The following MARCHF7 variants were observed in gnomAD, a reference collection of about 807,000 sequenced individuals.
MARCHF7 encodes the protein E3 ubiquitin-protein ligase MARCHF7.
A neutral mutation model predicts 76.5 loss-of-function variants in MARCHF7; 20 were observed. That is an observed-to-expected ratio of 0.26 (90% CI 0.18 to 0.38). The LOEUF (loss-of-function observed/expected upper bound fraction) is 0.38. Ranked by LOEUF, MARCHF7 falls within the 10% of genes least tolerant of loss-of-function variation. MARCHF7 has a pLI of 1.00. For synonymous variants in MARCHF7, 295 were observed against 293.0 expected (o/e 1.01, Z -0.07); for missense variants, 797 against 812.9 (o/e 0.98, Z 0.24).
intron 3 of MARCHF7, among the ~76,000 whole-genome samples, chr2:159,717,960 A>C (rs536580727): frequency 2.0e-5 from 3 of 152,224 alleles, no homozygotes; most frequent in Non-Finnish European, 2.9e-5. Flanking sequence ...CTATGTGTTA[A>C]AGACAAATTT....
At chr2:159,725,972 A>G (rs1018606417) in intron 3 of MARCHF7, among the ~76,000 whole-genome samples, 1 of 152,210 alleles carries the variant, frequency 6.6e-6, no homozygotes, top group African/African-American at 2.4e-5. Context: ...ACAGCATTGT[A>G]GAAACATGAC....
intron 8 of MARCHF7, among the ~76,000 whole-genome samples, chr2:159,757,771 A>G (rs1358355815): frequency 6.6e-6 from 1 of 152,222 alleles, no homozygotes; most frequent in Non-Finnish European, 1.5e-5. Context: ...TCTGTAGTAA[A>G]TTATCTCCAA....
In MARCHF7 at chr2:159,769,034, T is replaced by G. The variant is rs1437356458; in HGVS notation, c.*1692T>G. 6.6e-6 allele frequency: 1 copy of G among 152,194 alleles called. No homozygotes were observed. The highest frequency in any genetic ancestry group is 2.4e-5 in the African/African-American group (1 of 41,456). The allele number at this position is 152,194 out of a possible 1,614,324, so 9.4% of individuals were successfully genotyped here. A position where few individuals can be genotyped will look rare whatever the true frequency, so the allele number is the denominator to read the frequency against. ...CACTTAGTATTTAAATATTGTCATA[T>G]TAGCTTCAGATTATCATGTAAATGA... On this transcript the variant is annotated 3_prime_UTR_variant, in exon 12 of 12. Coordinates refer to ENST00000409175, the MANE Select transcript of MARCHF7 (RefSeq NM_001282805.2).
At chr2:159,749,761 T>G (rs1230438505) in intron 7 of MARCHF7, among the ~76,000 whole-genome samples, 1 of 152,054 alleles carries the variant, frequency 6.6e-6, no homozygotes, top group African/African-American at 2.4e-5. Context: ...GTGAATTGTG[T>G]CAGAAAGTAA....
chr2:159,737,210 G>A (rs1703563295), intron 4 of MARCHF7, among the ~76,000 whole-genome samples: 2 of 152,078 alleles, frequency 1.3e-5, no homozygotes, highest in African/African-American at 2.4e-5. Context: ...TGTGTGCATC[G>A]ATACCAAGAG....
chr2:159,737,094 C>T (rs536128958), intron 4 of MARCHF7, among the ~76,000 whole-genome samples: 5 of 152,164 alleles, frequency 3.3e-5, no homozygotes, highest in Admixed American at 1.3e-4. Context: ...CCTCTTTAAA[C>T]TCCAGTGTAA....
intron 6 of MARCHF7, among the ~76,000 whole-genome samples, chr2:159,746,426 A>C (rs1704892389): frequency 6.6e-6 from 1 of 152,108 alleles, no homozygotes; most frequent in African/African-American, 2.4e-5. Flanking sequence ...TCTGAGATGG[A>C]GTTTTGCTCT....
chr2:159,732,671 CCA>C (rs1376360094), intron 4 of MARCHF7, among the ~76,000 whole-genome samples: 1 of 151,778 alleles, frequency 6.6e-6, no homozygotes, highest in Non-Finnish European at 1.5e-5. Context: ...CAGCCCCCTG[CCA>C]CACACACACA....
intron 11 of MARCHF7, 21 bp downstream of exon 11, chr2:159,764,695 C>T: frequency 1.3e-6 from 2 of 1,585,002 alleles, no homozygotes; most frequent in Admixed American, 1.8e-5. Context: ...TTTCCCCTCC[C>T]CAGACTTGTT....
In MARCHF7 at chr2:159,748,823, G is replaced by T; in HGVS notation, c.1533G>T (p.Trp511Cys). ...CAGTAGATATTATTCCTTCAGGTTGGAATTCAGCTGATGGTAAAAGTGATA... is the reference window on the plus strand; with the variant it reads ...CAGTAGATATTATTCCTTCAGGTTGTAATTCAGCTGATGGTAAAAGTGATA... ...MITVDIIPSG[W>C]NSADGKSDKT... The change falls in exon 7 of 12, where the codon TGG becomes TGT. Residue 511 changes from tryptophan (W) to cysteine (C), a missense_variant. Physicochemically the swap from Trp to Cys is radical, Grantham distance 215 (BLOSUM62 -2). This residue lies in a region of MARCHF7 where 643 missense variants were observed against 631.5 expected (regional missense o/e 1.02). Coordinates refer to ENST00000409175, the MANE Select transcript of MARCHF7 (RefSeq NM_001282805.2). 2 of 1,614,068 alleles carry T rather than the reference G, an allele frequency of 1.2e-6. No homozygotes were observed. The highest frequency in any genetic ancestry group is 2.2e-5 in the South Asian group (2 of 91,062).
At chr2:159,719,608 A>G (rs758225104) in intron 3 of MARCHF7, among the ~76,000 whole-genome samples, 20 of 151,562 alleles carry the variant, frequency 1.3e-4, no homozygotes, top group Non-Finnish European at 2.2e-4. Flanking sequence ...GTTTGAGGGG[A>G]TTTTTTTCTA....
At chr2:159,737,026 G>A (rs1345453973) in intron 4 of MARCHF7, among the ~76,000 whole-genome samples, 1 of 152,120 alleles carries the variant, frequency 6.6e-6, no homozygotes, top group Non-Finnish European at 1.5e-5. Context: ...TTTACTCTGG[G>A]AGCCAAATCT....
chr2:159,743,173 C>G lies in MARCHF7; in HGVS notation c.266C>G (p.Ser89Ter). 1 of 1,614,150 alleles carries G rather than the reference C, an allele frequency of 6.2e-7. No individual in the cohort carries two copies. Among genetic ancestry groups the G allele is most frequent in the Non-Finnish European group, 8.5e-7 (1 of 1,180,030 alleles). The change falls in exon 5 of 12, where the codon TCA (serine) becomes TGA (stop). Residue 89 changes from serine (S) to a stop codon, truncating the protein, a stop_gained. Transcript: ENST00000409175. LOFTEE classifies it high-confidence loss of function. ...RSQNQQRDHD[S>*]KRPKLSCTNC... ...CAGAACCAGCAACGGGATCATGATT[C>G]AAAAAGACCTAAACTTTCCTGTACA...
In MARCHF7 at chr2:159,769,414, G is replaced by C. The variant is rs1056471609; in HGVS notation, c.*2072G>C. The C allele has an allele frequency of 6.6e-6, 1 of 152,210 alleles. No homozygotes were observed. Among genetic ancestry groups the C allele is most frequent in the African/African-American group, 2.4e-5 (1 of 41,444 alleles). The allele number at this position is 152,210 out of a possible 1,614,324, so 9.4% of individuals were successfully genotyped here. On this transcript the variant is annotated 3_prime_UTR_variant, in exon 12 of 12. Coordinates refer to ENST00000409175, the MANE Select transcript of MARCHF7 (RefSeq NM_001282805.2). The stretch of plus-strand genomic sequence containing the variant: ...TCCCAGCACTTTGGGAGACCAAGGT[G>C]GGTGGATCACTTGAGGTCAGGAGTT...
chr2:159,737,683 G>T lies in MARCHF7; in HGVS notation c.154-5378G>T, dbSNP rs187950140. On this transcript the variant is annotated intron_variant, in intron 4 of 11. Coordinates refer to ENST00000409175, the MANE Select transcript of MARCHF7 (RefSeq NM_001282805.2). The stretch of plus-strand genomic sequence containing the variant: ...CATGCCTGTAGTCTCAGCTACTCTG[G>T]AGGCTGAGGTGGAAGGATTGCTTGG... 5.4e-3 allele frequency among the ~76,000 whole-genome samples: 816 copies of T among 152,268 alleles called. 4 individuals carry two copies. The highest frequency in any genetic ancestry group is 0.029 in the South Asian group (142 of 4,826).
chr2:159,760,708 C>CTTTTTTTTTTTTTTTTTTTTTTTTT (rs34933843), intron 9 of MARCHF7, among the ~76,000 whole-genome samples: 1 of 147,410 alleles, frequency 6.8e-6, no homozygotes. Flanking sequence ...CAGTTTTTTC[C>CTTTTTTTTTTTTTTTTTTTTTTTTT]TTTTTTGTTT....
In MARCHF7 at chr2:159,747,058, C is replaced by G. The variant is rs541856047; in HGVS notation, c.515-747C>G. Among the ~76,000 whole-genome samples the G allele has an allele frequency of 2.6e-5, 4 of 152,284 alleles. No individual in the cohort carries two copies. In the South Asian group the frequency reaches 8.3e-4, roughly 32 times the overall value. On this transcript the variant is annotated intron_variant, in intron 6 of 11. Coordinates refer to ENST00000409175, the MANE Select transcript of MARCHF7 (RefSeq NM_001282805.2). ...CAGCAGAGTAGTAATTTAGCTCTTA[C>G]ACAGGTTAATGGGTAGTTTCTTTGC...
intron 1 of MARCHF7, among the ~76,000 whole-genome samples, chr2:159,713,059 G>C (rs183665038): frequency 0.013 from 1,942 of 152,324 alleles, 24 homozygotes; most frequent in Middle Eastern, 0.017. Context: ...GCAAAGGCGG[G>C]CAGGGCTCCG....
At chr2:159,741,224 C>T (rs541222762) in intron 4 of MARCHF7, among the ~76,000 whole-genome samples, 1 of 152,130 alleles carries the variant, frequency 6.6e-6, no homozygotes, top group African/African-American at 2.4e-5. Context: ...TAAAAATTAC[C>T]TAGCCATGAT....
Sources: allele counts gnomAD v4.1 joint callset (sites outside exome capture counted in the v4.1 genomes callset), GRCh38; gene constraint gnomAD v4.1.1; regional missense constraint gnomAD v4.1.1; transcripts MANE v1.5; gene names NCBI Gene and HGNC (gene_info 2026-07-23, HGNC 2026-07-21).